Variants in GRIK1 observed in about 807,000 individuals in gnomAD.
GRIK1 encodes the protein glutamate ionotropic receptor kainate type subunit 1.
In GRIK1, 69 loss-of-function variants were observed where a neutral mutation model predicts 105.7. The ratio of observed to expected loss-of-function variants is 0.65; its 90% CI spans 0.54 to 0.80. The LOEUF (loss-of-function observed/expected upper bound fraction) is 0.80, where lower values mean the gene tolerates loss of function less well. Among genes scored for constraint, GRIK1 ranks in the 30% least tolerant of loss-of-function variants. GRIK1 has a pLI of 0.00. For synonymous variants in GRIK1, 438 were observed against 431.3 expected, an observed-to-expected ratio of 1.02 and a Z score of -0.19; for missense variants, 1,109 against 1,167.3, an observed-to-expected ratio of 0.95 and a Z score of 0.73.
intron 1 of GRIK1, among the ~76,000 whole-genome samples, chr21:29,878,156 T>G (rs2069259703): frequency 6.6e-6 from 1 of 151,928 alleles, no homozygotes; most frequent in Non-Finnish European, 1.5e-5. Context: ...AGAATGGAAT[T>G]GGTAGGAAAA....
intron 10 of GRIK1, among the ~76,000 whole-genome samples, chr21:29,589,911 T>G (rs1301103793): frequency 6.6e-6 from 1 of 152,206 alleles, no homozygotes; most frequent in Non-Finnish European, 1.5e-5. Flanking sequence ...AAAGGCCATT[T>G]CTATTTCTTC....
At chr21:29,562,599 G>A (rs986802786) in intron 14 of GRIK1, among the ~76,000 whole-genome samples, 4 of 151,978 alleles carry the variant, frequency 2.6e-5, no homozygotes, top group African/African-American at 4.8e-5. Context: ...AGGTTGCAGT[G>A]AGCCAAGATC....
intron 4 of GRIK1, among the ~76,000 whole-genome samples, chr21:29,659,537 G>A (rs2062920347): frequency 6.6e-6 from 1 of 152,120 alleles, no homozygotes; most frequent in African/African-American, 2.4e-5. Flanking sequence ...TGTACCTATT[G>A]TAAATGCTTT....
At chr21:29,871,044 C>T (rs1278007930) in intron 1 of GRIK1, among the ~76,000 whole-genome samples, 3 of 152,140 alleles carry the variant, frequency 2.0e-5, no homozygotes, top group African/African-American at 7.2e-5. Flanking sequence ...GCACTTCTAC[C>T]TCCGGTCTGT....
chr21:29,830,316 C>CACACACAA lies in GRIK1; in HGVS notation c.118+109066_118+109067insTTGTGTGT, dbSNP rs1601803601. ...ACACCCACCCACCTCCCCACACACA[C>CACACACAA]ACACACACACACACACACACACACA... On this transcript the variant is annotated intron_variant, in intron 1 of 17. Transcript: ENST00000327783. Among the ~76,000 whole-genome samples the CACACACAA allele has an allele frequency of 3.4e-4, 26 of 75,974 alleles. 1 individual carries two copies. Among genetic ancestry groups the CACACACAA allele is most frequent in the Admixed American group, 2.7e-3 (21 of 7,666 alleles). 49.8% of individuals were successfully genotyped at this position (75,974 alleles called of 152,430 possible).
intron 13 of GRIK1, among the ~76,000 whole-genome samples, chr21:29,580,073 A>G (rs1320926599): frequency 6.8e-6 from 1 of 147,092 alleles, no homozygotes; most frequent in Non-Finnish European, 1.5e-5. Context: ...ATGTGTATAT[A>G]TATGTATATG....
intron 1 of GRIK1, among the ~76,000 whole-genome samples, chr21:29,872,007 A>T (rs1048833064): frequency 6.8e-6 from 1 of 147,480 alleles, no homozygotes; most frequent in African/African-American, 2.4e-5. Context: ...CAAGCAATCC[A>T]TCCACCCCAG....
At chr21:29,570,577 G>A (rs751696489) in intron 14 of GRIK1, among the ~76,000 whole-genome samples, 31 of 152,006 alleles carry the variant, frequency 2.0e-4, no homozygotes, top group Non-Finnish European at 4.0e-4. Flanking sequence ...ATAAACATAG[G>A]CCATTAATTA....
chr21:29,583,100 T>G (rs1601180786), intron 12 of GRIK1, among the ~76,000 whole-genome samples: 1 of 152,172 alleles, frequency 6.6e-6, no homozygotes, highest in Non-Finnish European at 1.5e-5. Context: ...TCTCGTAGTT[T>G]ATGCCAGCAT....
intron 1 of GRIK1, among the ~76,000 whole-genome samples, chr21:29,863,199 T>A (rs575174816): frequency 6.6e-6 from 1 of 152,362 alleles, no homozygotes; most frequent in African/African-American, 2.4e-5. Flanking sequence ...ATAAATTTGA[T>A]AAGCTTCTAT....
chr21:29,625,742 T>G (rs904620650), intron 7 of GRIK1, among the ~76,000 whole-genome samples: 2 of 152,214 alleles, frequency 1.3e-5, no homozygotes, highest in African/African-American at 4.8e-5. Context: ...CATGTCTCTC[T>G]TGTCTTATTA....
At chr21:29,728,839 T>A (rs544336529) in intron 1 of GRIK1, among the ~76,000 whole-genome samples, 1 of 152,258 alleles carries the variant, frequency 6.6e-6, no homozygotes, top group East Asian at 1.9e-4. Context: ...TGGCAGCTGG[T>A]AACAAGAAAT....
intron 3 of GRIK1, among the ~76,000 whole-genome samples, chr21:29,684,660 A>G (rs2146692515): frequency 6.6e-6 from 1 of 152,196 alleles, no homozygotes; most frequent in South Asian, 2.1e-4. Flanking sequence ...GGCGCCCGCC[A>G]CCACGCCAGG....
chr21:29,892,618 G>C (rs984064177), intron 1 of GRIK1, among the ~76,000 whole-genome samples: 1 of 152,152 alleles, frequency 6.6e-6, no homozygotes, highest in Non-Finnish European at 1.5e-5. Flanking sequence ...TGATGTCAGT[G>C]GACCGACCCA....
At chr21:29,724,959 A>G (rs1362868245) in intron 1 of GRIK1, among the ~76,000 whole-genome samples, 2 of 149,114 alleles carry the variant, frequency 1.3e-5, no homozygotes, top group Non-Finnish European at 3.0e-5. Flanking sequence ...CATTGACTTT[A>G]GTCGAATTCC....
chr21:29,836,068 G>C (rs2067795994), intron 1 of GRIK1, among the ~76,000 whole-genome samples: 1 of 152,166 alleles, frequency 6.6e-6, no homozygotes, highest in Admixed American at 6.5e-5. Flanking sequence ...GCAGGCTGCT[G>C]CCCACTGTTC....
chr21:29,858,878 GATC>G (rs1055149780), intron 1 of GRIK1, among the ~76,000 whole-genome samples: 61 of 151,402 alleles, frequency 4.0e-4, no homozygotes, highest in Non-Finnish European at 3.2e-4. Flanking sequence ...CTCCCCACAG[GATC>G]AAAGGATCCT....
chr21:29,637,967 C>T (rs1393801046), intron 7 of GRIK1, among the ~76,000 whole-genome samples: 3 of 152,132 alleles, frequency 2.0e-5, no homozygotes, highest in Non-Finnish European at 4.4e-5. Flanking sequence ...GTACTGTCTT[C>T]CATTTTGCAA....
chr21:29,736,887 C>T (rs2064805346), intron 1 of GRIK1, among the ~76,000 whole-genome samples: 1 of 151,992 alleles, frequency 6.6e-6, no homozygotes, highest in Admixed American at 6.6e-5. Flanking sequence ...CCATGTTGGT[C>T]AGGCTGGTCT....
Sources: allele counts gnomAD v4.1 joint callset (sites outside exome capture counted in the v4.1 genomes callset), GRCh38; gene constraint gnomAD v4.1.1; transcripts MANE v1.5; gene names NCBI Gene and HGNC (gene_info 2026-07-23, HGNC 2026-07-21).